Variants in SUGP2 observed in about 807,000 individuals in gnomAD.
SUGP2 encodes the protein SURP and G-patch domain-containing protein 2.
In SUGP2, 24 loss-of-function variants were observed where a neutral mutation model predicts 90.5. That is an observed-to-expected ratio of 0.27 (90% confidence interval 0.19 to 0.37). The LOEUF (loss-of-function observed/expected upper bound fraction) is 0.37, where lower values mean the gene tolerates loss of function less well. SUGP2 is among the 10% of genes least tolerant of loss of function. The pLI, the probability that SUGP2 is intolerant of heterozygous loss-of-function variation, is 1.00. For synonymous variants in SUGP2, 473 were observed against 513.4 expected (o/e 0.92, Z 1.06); for missense variants, 1,233 against 1,363.3 (o/e 0.90, Z 1.51).
intron 4 of SUGP2, among the ~76,000 whole-genome samples, chr19:19,012,294 G>A (rs1397815522): frequency 6.6e-6 from 1 of 152,218 alleles, no homozygotes; most frequent in East Asian, 1.9e-4. Flanking sequence ...TGGTTCTCAA[G>A]TCAAACACAG....
At chr19:19,000,596 C>T (rs1382121937) in intron 8 of SUGP2, among the ~76,000 whole-genome samples, 1 of 152,204 alleles carries the variant, frequency 6.6e-6, no homozygotes, top group Non-Finnish European at 1.5e-5. Flanking sequence ...AGACATAGGT[C>T]TCACTATGTT....
intron 3 of SUGP2, among the ~76,000 whole-genome samples, chr19:19,020,761 T>C (rs1449745263): frequency 1.3e-5 from 2 of 152,076 alleles, no homozygotes; most frequent in Non-Finnish European, 2.9e-5. Flanking sequence ...AAAGTGTGAA[T>C]GTCCTCCAAT....
At chr19:19,007,727 A>G (rs965154384) in intron 6 of SUGP2, among the ~76,000 whole-genome samples, 1 of 137,820 alleles carries the variant, frequency 7.3e-6, no homozygotes, top group African/African-American at 2.7e-5. Flanking sequence ...AAGTGCGGGG[A>G]TTACAAGCAT....
At position 19,010,330 on chromosome 19, in the gene SUGP2, A is replaced by C; in HGVS notation, c.1863T>G (p.Asp621Glu). The C allele has an allele frequency of 1.9e-6, 3 of 1,610,030 alleles. No homozygotes were observed. The highest frequency in any genetic ancestry group is 2.5e-6 in the Non-Finnish European group (3 of 1,178,824). ...AATATTTATACTCCAGACTATTTTC[A>C]TCAGACAAAAACCTAGATAACAAAA... is the stretch of plus-strand genomic sequence containing the variant. ...KEDPAYWFLS[D>E]ENSLEYKYYK... The change falls in exon 5 of 11, where the codon GAT becomes GAG. Residue 621 changes from aspartate to glutamate, a missense_variant. Transcript: ENST00000452918.
chr19:19,006,446 G>A (rs1338978295), intron 6 of SUGP2, among the ~76,000 whole-genome samples: 1 of 152,038 alleles, frequency 6.6e-6, no homozygotes, highest in Non-Finnish European at 1.5e-5. Flanking sequence ...GGGAAGGACA[G>A]GACAGAGTAC....
rs752174311 is a variant in SUGP2 at position 19,004,565 on chromosome 19, C to T, written c.2532G>A (p.Thr844=). 14 of 1,614,154 alleles carry T rather than the reference C, an allele frequency of 8.7e-6. No homozygotes were observed. The Admixed American group carries it at 1.8e-4, about 21-fold the overall frequency. ...VFELCPSICF[T]SSPHNLHTGG... The stretch of plus-strand genomic sequence containing the variant: ...CAGTGTGAAGGTTGTGCGGAGATGA[C>T]GTGAAACAAATTGATGGACATAGTT... Residue 844 remains threonine (T), a synonymous_variant, in exon 7 of 11, where the codon ACG becomes ACA. Coordinates refer to ENST00000452918, the MANE Select transcript of SUGP2 (RefSeq NM_001017392.5).
At chr19:19,030,419 G>A (rs1028019019) in intron 2 of SUGP2, among the ~76,000 whole-genome samples, 7 of 152,030 alleles carry the variant, frequency 4.6e-5, no homozygotes, top group Admixed American at 1.3e-4. Flanking sequence ...GAACCCAGGA[G>A]GCGGAGGTTG....
In SUGP2 at chr19:19,016,341, C is replaced by G. The variant is rs1161794503; in HGVS notation, c.1850+2768G>C. ...TCTGATTTTGTACCCTGCCCTGCCC[C>G]CTATCCAAACATACCCCTGACTCTG... On this transcript the variant is annotated intron_variant, in intron 4 of 10. Coordinates refer to ENST00000452918, the MANE Select transcript of SUGP2 (RefSeq NM_001017392.5). Among the ~76,000 whole-genome samples the G allele has an allele frequency of 2.0e-5, 3 of 152,092 alleles. No homozygotes were observed. The East Asian group carries it at 5.8e-4, about 29-fold the overall frequency.
chr19:18,994,536 C>T lies in SUGP2; in HGVS notation c.3129-50G>A, dbSNP rs1039192906. ...TTGTGCACCTGAGCCCAGGGCCTGG[C>T]ATGCCAGGAACTGGGCATGGGCACA... On this transcript the variant is annotated intron_variant, in intron 9 of 10. Transcript: ENST00000452918. 1.0e-5 allele frequency: 16 copies of T among 1,602,840 alleles called. No homozygotes were observed. The African/African-American group carries it at 2.1e-4, about 21-fold the overall frequency.
chr19:19,010,016 G>A lies in SUGP2; in HGVS notation c.2177C>T (p.Ser726Phe), dbSNP rs1396421857. The change falls in exon 5 of 11, where the codon TCC becomes TTC. Residue 726 changes from serine to phenylalanine, a missense_variant. Physicochemically the swap from Ser to Phe is radical, Grantham distance 155. Around this residue, in one of 8 missense-constraint regions of SUGP2, gnomAD observed 540 missense variants for 542.6 expected, o/e 1.00. Transcript: ENST00000452918. ...QAPGLSQAKPSLPDRNDAAKD... is the reference protein window; with the variant it reads ...QAPGLSQAKPFLPDRNDAAKD... ...GGCAGCATCATTTCTGTCTGGCAGGGATGGTTTTGCCTGTGAGAGGCCTGG... is the reference window on the plus strand; with the variant it reads ...GGCAGCATCATTTCTGTCTGGCAGGAATGGTTTTGCCTGTGAGAGGCCTGG... 6.2e-7 allele frequency: 1 copy of A among 1,614,058 alleles called. No homozygotes were observed. The highest frequency in any genetic ancestry group is 1.3e-5 in the African/African-American group (1 of 74,914).
intron 4 of SUGP2, among the ~76,000 whole-genome samples, chr19:19,010,941 A>G (rs1442125002): frequency 1.3e-5 from 2 of 151,892 alleles, no homozygotes; most frequent in Non-Finnish European, 2.9e-5. Context: ...GGAGTTCAAG[A>G]CCAGCCTGGG....
At chr19:19,016,671 A>G (rs1340893896) in intron 4 of SUGP2, among the ~76,000 whole-genome samples, 1 of 152,184 alleles carries the variant, frequency 6.6e-6, no homozygotes, top group African/African-American at 2.4e-5. Context: ...TCCTCAAGGC[A>G]AGAGGGCTCT....
intron 7 of SUGP2, among the ~76,000 whole-genome samples, chr19:19,002,505 GTTTTTT>G (rs58282570): frequency 9.7e-4 from 59 of 61,104 alleles, no homozygotes; most frequent in Non-Finnish European, 1.6e-3. Context: ...TAGCAAGTCT[GTTTTTT>G]TTTTTTTTTT....
intron 3 of SUGP2, 139 bp from the exon 4 acceptor site, chr19:19,019,368 G>C (rs2058622686): frequency 1.1e-6 from 1 of 933,076 alleles, no homozygotes; most frequent in East Asian, 2.8e-5. Context: ...CAAGACACCA[G>C]CATTGAAAAG....
chr19:19,027,756 G>A (rs766030467), intron 2 of SUGP2, among the ~76,000 whole-genome samples: 5 of 151,932 alleles, frequency 3.3e-5, no homozygotes, highest in Non-Finnish European at 7.4e-5. Flanking sequence ...TCCTGCCTCC[G>A]CCTCCTGAGT....
In SUGP2 at chr19:19,007,086, C is replaced by T. The variant is rs77474180; in HGVS notation, c.2450+1231G>A. ...TAATGGGAAGATGGGTGCCTCCTAC[C>T]GGCAGCCTTTCTCTGGAGGGGACAT... On this transcript the variant is annotated intron_variant, in intron 6 of 10. Transcript: ENST00000452918. Among the ~76,000 whole-genome samples the T allele has an allele frequency of 7.8e-3, 1,189 of 152,298 alleles. 12 individuals carry two copies. The highest frequency in any genetic ancestry group is 0.028 in the African/African-American group (1,147 of 41,552).
chr19:19,009,747 T>A, intron 5 of SUGP2, 108 bp downstream of exon 5: 4 of 1,413,444 alleles, frequency 2.8e-6, no homozygotes, highest in Non-Finnish European at 3.8e-6. Flanking sequence ...CTAGAGCTTT[T>A]ATCCACTGCC....
intron 9 of SUGP2, 135 bp from the exon 10 acceptor site, chr19:18,994,621 T>C: frequency 2.4e-6 from 3 of 1,257,506 alleles, no homozygotes; most frequent in Non-Finnish European, 3.3e-6. Context: ...AAAGGGAAAA[T>C]CAAGACGCGA....
chr19:19,021,728 G>A (rs1045340370), intron 3 of SUGP2, among the ~76,000 whole-genome samples: 1 of 149,338 alleles, frequency 6.7e-6, no homozygotes, highest in African/African-American at 2.5e-5. Flanking sequence ...GTGGAGTGGT[G>A]CGCTCTAGGC....
Sources: gnomAD v4.1 joint callset for allele counts (sites outside exome capture counted in the v4.1 genomes callset) on GRCh38, gnomAD v4.1.1 for gene constraint, gnomAD v4.1.1 regional missense constraint, MANE v1.5 for transcripts, NCBI Gene and HGNC (gene_info 2026-07-23, HGNC 2026-07-21) for gene names.